CD82: variants seen among roughly 807,000 people sequenced by gnomAD.
The protein encoded by CD82 is CD82 molecule, also known as CD82 antigen.
In CD82, 36 loss-of-function variants were observed where a neutral mutation model predicts 37.4. The observed-to-expected ratio is 0.96, with a 90% CI of 0.74 to 1.27. CD82 has a LOEUF of 1.27. CD82 is among the 50% of genes most tolerant of loss of function. The pLI is 0.00. For missense variants in CD82, 340 were observed against 347.0 expected (o/e 0.98, Z 0.16); for synonymous variants, 158 against 137.4 (o/e 1.15, Z -1.05).
chr11:44,568,556 C>G (rs1323508081), intron 1 of CD82, among the ~76,000 whole-genome samples: 1 of 152,106 alleles, frequency 6.6e-6, no homozygotes, highest in African/African-American at 2.4e-5. Context: ...GCCTGCTGAT[C>G]CCTCCCTCCC....
intron 1 of CD82, among the ~76,000 whole-genome samples, chr11:44,584,826 A>G (rs1853030278): frequency 6.6e-6 from 1 of 152,240 alleles, no homozygotes; most frequent in African/African-American, 2.4e-5. Flanking sequence ...AAACAAACAC[A>G]GCCGTCTGTG....
intron 1 of CD82, among the ~76,000 whole-genome samples, chr11:44,570,468 T>A (rs995318132): frequency 6.6e-6 from 1 of 152,210 alleles, no homozygotes; most frequent in Non-Finnish European, 1.5e-5. Context: ...CACTTGGGGA[T>A]CGATGACTGA....
In CD82 at chr11:44,619,224, C is replaced by G. The variant is rs939626355; in HGVS notation, c.*98C>G. ...TCCAGGCCTGCCTCCCACTTCACTG[C>G]GAAGACCCTCTTGCCCATCCTGACT... On this transcript the variant is annotated 3_prime_UTR_variant, in exon 10 of 10. Transcript: ENST00000227155. 3 of 963,406 alleles carry G rather than the reference C, an allele frequency of 3.1e-6. No homozygotes were observed. Among genetic ancestry groups the G allele is most frequent in the Non-Finnish European group, 5.1e-6 (3 of 593,424 alleles). 59.7% of individuals were successfully genotyped at this position (963,406 alleles called of 1,614,324 possible).
At chr11:44,618,773 G>A in intron 9 of CD82, 50 bp downstream of exon 9, 1 of 1,503,836 alleles carries the variant, frequency 6.6e-7, no homozygotes, top group Non-Finnish European at 9.2e-7. Context: ...CTCCTGGGTT[G>A]TCTCTGTTCT....
intron 9 of CD82, 60 bp downstream of exon 9, chr11:44,618,783 T>C: frequency 1.4e-6 from 2 of 1,443,110 alleles, no homozygotes; most frequent in Non-Finnish European, 1.9e-6. Context: ...GTCTCTGTTC[T>C]GCTGATCTCC....
At chr11:44,569,748 C>T (rs530748641) in intron 1 of CD82, among the ~76,000 whole-genome samples, 6 of 152,248 alleles carry the variant, frequency 3.9e-5, no homozygotes, top group African/African-American at 1.4e-4. Context: ...CTTCTTTCTG[C>T]CTGTTAACAG....
rs1853620171 is a variant in CD82 at position 44,619,210 on chromosome 11, C to T, written c.*84C>T. On this transcript the variant is annotated 3_prime_UTR_variant, in exon 10 of 10. Coordinates refer to ENST00000227155, the MANE Select transcript of CD82 (RefSeq NM_002231.4). ...CCCTGGCTCCCTCCTCCAGGCCTGC[C>T]TCCCACTTCACTGCGAAGACCCTCT... 9.1e-7 allele frequency: 1 copy of T among 1,096,568 alleles called. No individual in the cohort carries two copies. 67.9% of individuals were successfully genotyped at this position (1,096,568 alleles called of 1,614,324 possible). A position where few individuals can be genotyped will look rare whatever the true frequency, so the allele number is the denominator to read the frequency against.
At chr11:44,588,521 CT>C (rs1435295888) in intron 2 of CD82, among the ~76,000 whole-genome samples, 1 of 152,294 alleles carries the variant, frequency 6.6e-6, no homozygotes, top group East Asian at 1.9e-4. Context: ...CGTACCCAGC[CT>C]GCAAAATAAG....
At chr11:44,569,840 G>A (rs886769085) in intron 1 of CD82, among the ~76,000 whole-genome samples, 6 of 150,504 alleles carry the variant, frequency 4.0e-5, no homozygotes, top group South Asian at 2.1e-4. Flanking sequence ...TTCTGGCTAC[G>A]TGACTCTTTC....
chr11:44,590,356 C>T (rs1157993814), intron 2 of CD82, among the ~76,000 whole-genome samples: 1 of 151,364 alleles, frequency 6.6e-6, no homozygotes, highest in African/African-American at 2.4e-5. Context: ...CGTCTGTAAT[C>T]CCAGCACTTT....
chr11:44,602,700 G>A (rs778424396), intron 4 of CD82, among the ~76,000 whole-genome samples: 15 of 152,094 alleles, frequency 9.9e-5, no homozygotes, highest in Non-Finnish European at 1.8e-4. Context: ...TCCATGCCCT[G>A]TGGATGGCCT....
intron 1 of CD82, among the ~76,000 whole-genome samples, chr11:44,566,881 T>G (rs1202189728): frequency 1.3e-5 from 2 of 151,978 alleles, no homozygotes; most frequent in Non-Finnish European, 2.9e-5. Context: ...CCAACATCAC[T>G]CTATTTGAGG....
chr11:44,564,644 AG>A (rs778396191), upstream of CD82: 11 of 392,382 alleles, frequency 2.8e-5, no homozygotes, highest in Non-Finnish European at 4.7e-5. Flanking sequence ...GCCAGCTTTG[AG>A]GGCTTAGGCC....
chr11:44,596,908 G>A (rs1371221494), intron 3 of CD82: 6 of 456,056 alleles, frequency 1.3e-5, no homozygotes, highest in Middle Eastern at 6.5e-4. Flanking sequence ...GCAGTTGTTG[G>A]GGGTACTAGG....
chr11:44,616,095 G>C (rs1292099539), intron 7 of CD82, among the ~76,000 whole-genome samples: 2 of 152,150 alleles, frequency 1.3e-5, no homozygotes, highest in African/African-American at 4.8e-5. Context: ...TCCTGTGAGG[G>C]CGCAGGACAC....
At chr11:44,604,929 C>A in intron 4 of CD82, 129 bp from the exon 5 acceptor site, 2 of 1,313,218 alleles carry the variant, frequency 1.5e-6, no homozygotes, top group Non-Finnish European at 2.2e-6. Context: ...CAGTGAGAAG[C>A]CAGCAGGGGA....
intron 6 of CD82, among the ~76,000 whole-genome samples, chr11:44,611,517 T>C (rs1853481349): frequency 6.6e-6 from 1 of 152,242 alleles, no homozygotes; most frequent in South Asian, 2.1e-4. Flanking sequence ...TTTGCCTGCT[T>C]CTGGCATCGA....
chr11:44,614,408 C>G (rs192502025), intron 6 of CD82, among the ~76,000 whole-genome samples: 181 of 152,344 alleles, frequency 1.2e-3, no homozygotes, highest in African/African-American at 4.3e-3. Flanking sequence ...GGGTCTGGCT[C>G]TGGTGCCTGG....
intron 7 of CD82, 52 bp downstream of exon 7, chr11:44,615,425 T>G: frequency 8.9e-7 from 1 of 1,122,868 alleles, no homozygotes; most frequent in Non-Finnish European, 1.4e-6. Flanking sequence ...GTCCCTGCAT[T>G]TGGGGCTCTG....
Sources: allele counts gnomAD v4.1 joint callset (sites outside exome capture counted in the v4.1 genomes callset), GRCh38; gene constraint gnomAD v4.1.1; transcripts MANE v1.5; gene names NCBI Gene and HGNC (gene_info 2026-07-23, HGNC 2026-07-21).